The following TIAM2 variants were observed in gnomAD, a reference collection of about 807,000 sequenced individuals.
TIAM2 encodes TIAM Rac1 associated GEF 2.
Under a neutral mutation model 152.9 loss-of-function variants are expected in TIAM2, and 80 were observed. That is an observed-to-expected ratio of 0.52 (90% CI 0.44 to 0.63). TIAM2 has a LOEUF of 0.63. TIAM2 is among the 30% of genes least tolerant of loss of function. TIAM2 has a pLI of 0.00. For synonymous variants in TIAM2, 804 were observed against 838.0 expected, an observed-to-expected ratio of 0.96 and a Z score of 0.70; for missense variants, 1,965 against 2,120.1, an observed-to-expected ratio of 0.93 and a Z score of 1.44.
chr6:155,054,079 C>T (rs558744696), intron 1 of TIAM2, among the ~76,000 whole-genome samples: 75 of 152,162 alleles, frequency 4.9e-4, no homozygotes, highest in Non-Finnish European at 5.6e-4. Context: ...AGGCTGAGGC[C>T]GGAGACTCGT....
chr6:155,047,155 T>A (rs984140863), intron 1 of TIAM2, among the ~76,000 whole-genome samples: 1 of 152,152 alleles, frequency 6.6e-6, no homozygotes, highest in Non-Finnish European at 1.5e-5. Context: ...AGTCCCTGAT[T>A]GTCCAGCACC....
chr6:155,171,093 T>A (rs146426837), intron 9 of TIAM2, among the ~76,000 whole-genome samples: 181 of 152,322 alleles, frequency 1.2e-3, no homozygotes, highest in African/African-American at 4.0e-3. Context: ...TTTTATACAA[T>A]AAGTACATTA....
At chr6:155,021,101 ATG>A (rs1175312479) in intron 1 of TIAM2, among the ~76,000 whole-genome samples, 1 of 151,918 alleles carries the variant, frequency 6.6e-6, no homozygotes, top group Non-Finnish European at 1.5e-5. Flanking sequence ...TTGTCTCTGT[ATG>A]TCATCTTTTG....
chr6:155,198,689 A>AAAAAAAAAAAAAAAAC, intron 14 of TIAM2, among the ~76,000 whole-genome samples: 1 of 142,726 alleles, frequency 7.0e-6, no homozygotes, highest in South Asian at 2.2e-4. Context: ...AAAAAAAAAA[A>AAAAAAAAAAAAAAAAC]ATCTCTTAAT....
rs1464261183 is a variant in TIAM2, at chr6:155,257,567, C to G, written c.*446C>G. ...GGTTTAGGGGCAAAATGTGCAGATA[C>G]TTCATTTTTGTAAGATAGATTGTAA... On this transcript the variant is annotated 3_prime_UTR_variant, in exon 27 of 27. Coordinates refer to ENST00000682666, the MANE Select transcript of TIAM2 (RefSeq NM_012454.4). 3.6e-5 allele frequency: 13 copies of G among 361,760 alleles called. No homozygotes were observed. In the East Asian group the frequency reaches 7.2e-4, roughly 20 times the overall value. The allele number at this position is 361,760 out of a possible 1,614,324, so 22.4% of individuals were successfully genotyped here. A position where few individuals can be genotyped will look rare whatever the true frequency, so the allele number is the denominator to read the frequency against.
intron 1 of TIAM2, among the ~76,000 whole-genome samples, chr6:155,006,244 C>T (rs1778399711): frequency 6.6e-6 from 1 of 152,284 alleles, no homozygotes; most frequent in South Asian, 2.1e-4. Flanking sequence ...CAGATACACT[C>T]TAATGCTGCC....
intron 1 of TIAM2, among the ~76,000 whole-genome samples, chr6:155,051,988 A>G (rs78529693): frequency 0.048 from 7,354 of 152,080 alleles, 543 homozygotes; most frequent in African/African-American, 0.16. Context: ...CCCCTCTTTT[A>G]AAGACCTTAG....
chr6:155,007,348 A>G lies in TIAM2; in HGVS notation c.-209+11856A>G, dbSNP rs142550301. ...AGGTTTTCTTATTTCAGGGTGATCC[A>G]TGGTTTGACAGGAACCATTTTTCTT... On this transcript the variant is annotated intron_variant, in intron 1 of 26. Coordinates refer to ENST00000682666, the MANE Select transcript of TIAM2 (RefSeq NM_012454.4). 3.5e-3 allele frequency among the ~76,000 whole-genome samples: 529 copies of G among 151,612 alleles called. 3 individuals carry two copies. Among genetic ancestry groups the G allele is most frequent in the African/African-American group, 0.012 (485 of 41,354 alleles).
At chr6:155,256,355 T>C in intron 26 of TIAM2, 129 bp from the exon 27 acceptor site, 1 of 1,368,584 alleles carries the variant, frequency 7.3e-7, no homozygotes, top group South Asian at 1.4e-5. Context: ...ATTACCAGGA[T>C]AGTTGCTAAC....
At chr6:155,011,779 C>T (rs1778493384) in intron 1 of TIAM2, among the ~76,000 whole-genome samples, 1 of 152,208 alleles carries the variant, frequency 6.6e-6, no homozygotes, top group South Asian at 2.1e-4. Flanking sequence ...CAGCATATCA[C>T]TGGAAGTGAA....
At chr6:155,145,628 C>T (rs1779804095) in intron 6 of TIAM2, among the ~76,000 whole-genome samples, 1 of 152,202 alleles carries the variant, frequency 6.6e-6, no homozygotes, top group Non-Finnish European at 1.5e-5. Context: ...CAGCACTTGA[C>T]ATACACACAG....
At chr6:155,109,406 T>A (rs1362364758) in intron 2 of TIAM2, among the ~76,000 whole-genome samples, 1 of 152,162 alleles carries the variant, frequency 6.6e-6, no homozygotes, top group Non-Finnish European at 1.5e-5. Context: ...ATGAAGGTAA[T>A]AACAGCTTTA....
intron 4 of TIAM2, among the ~76,000 whole-genome samples, chr6:155,132,639 G>C (rs896558265): frequency 6.6e-6 from 1 of 152,182 alleles, no homozygotes; most frequent in Non-Finnish European, 1.5e-5. Context: ...GAGCATAATG[G>C]GAGACGCAGC....
intron 1 of TIAM2, among the ~76,000 whole-genome samples, chr6:155,068,759 G>A (rs893204727): frequency 3.9e-5 from 6 of 152,016 alleles, no homozygotes; most frequent in African/African-American, 1.4e-4. Flanking sequence ...TTTACTTTTC[G>A]TGCTGCGATT....
intron 2 of TIAM2, among the ~76,000 whole-genome samples, chr6:155,118,938 T>A (rs1201545506): frequency 1.3e-5 from 2 of 151,564 alleles, no homozygotes; most frequent in Non-Finnish European, 2.9e-5. Context: ...TGCACATTAA[T>A]GATGGGCCAT....
chr6:155,222,727 C>T (rs1446730235), intron 15 of TIAM2, among the ~76,000 whole-genome samples: 4 of 152,032 alleles, frequency 2.6e-5, no homozygotes, highest in African/African-American at 9.7e-5. Context: ...CTGTGAAACT[C>T]AAGGGTCCGT....
In TIAM2 at chr6:155,255,338, G is replaced by A. The variant is rs891618420; in HGVS notation, c.4468+765G>A. 4.6e-5 allele frequency: 7 copies of A among 152,068 alleles called. No homozygotes were observed. The South Asian group carries it at 8.3e-4, about 18-fold the overall frequency. The allele number at this position is 152,068 out of a possible 1,614,324, so 9.4% of individuals were successfully genotyped here. Reference sequence around the variant, plus strand: ...GCACCAAGTAAGCATTTCAAATCACGTTGTTCTTTCTGCTTGTTTCTAAAA... The same window carrying A: ...GCACCAAGTAAGCATTTCAAATCACATTGTTCTTTCTGCTTGTTTCTAAAA... On this transcript the variant is annotated intron_variant, in intron 26 of 26. Coordinates refer to ENST00000682666, the MANE Select transcript of TIAM2 (RefSeq NM_012454.4).
At chr6:155,217,119 G>A in intron 15 of TIAM2, 1 of 1,288,888 alleles carries the variant, frequency 7.8e-7, no homozygotes, top group East Asian at 5.5e-5. Flanking sequence ...TGATTTTCAT[G>A]GGTAAAGATT....
intron 14 of TIAM2, among the ~76,000 whole-genome samples, chr6:155,197,709 G>A (rs753230797): frequency 9.2e-5 from 14 of 151,988 alleles, no homozygotes; most frequent in Admixed American, 2.0e-4. Context: ...ACATGGCGGC[G>A]GCAAGCAGAA....
Sources: allele counts gnomAD v4.1 joint callset (sites outside exome capture counted in the v4.1 genomes callset), GRCh38; gene constraint gnomAD v4.1.1; transcripts MANE v1.5; gene names NCBI Gene and HGNC (gene_info 2026-07-23, HGNC 2026-07-21).